OR3A2: variants seen among roughly 807,000 people sequenced by gnomAD.
OR3A2 encodes olfactory receptor 3A2.
For missense variants in OR3A2, 318 were observed against 392.8 expected (o/e 0.81, Z 1.61); for synonymous variants, 126 against 159.3 (o/e 0.79, Z 1.57).
At chr17:3,321,646 T>A (rs1405651541) in intron 3 of OR3A2, among the ~76,000 whole-genome samples, 2 of 152,164 alleles carry the variant, frequency 1.3e-5, no homozygotes, top group Non-Finnish European at 2.9e-5. Context: ...ATCACGTGGT[T>A]TTTGTCTTTG....
At chr17:3,367,601 G>GTATATA (rs553464584) in intron 2 of OR3A2, among the ~76,000 whole-genome samples, 32,294 of 122,094 alleles carry the variant, frequency 0.26, 5,414 homozygotes, top group Admixed American at 0.4. Context: ...GTGTGTGTGT[G>GTATATA]TATATATATA....
chr17:3,279,244 A>G (rs2048763275), intron 1 of OR3A2, 91 bp from the exon 4 acceptor site: 2 of 417,532 alleles, frequency 4.8e-6, no homozygotes, highest in East Asian at 8.0e-5. Flanking sequence ...ACAGGGGGGA[A>G]ATGGGTAACT....
chr17:3,344,111 G>A (rs907147312), intron 2 of OR3A2, among the ~76,000 whole-genome samples: 1 of 152,124 alleles, frequency 6.6e-6, no homozygotes, highest in African/African-American at 2.4e-5. Context: ...CATATGCAGT[G>A]GGATATTCGG....
At chr17:3,283,452 T>G (rs2150617692) in intron 1 of OR3A2, among the ~76,000 whole-genome samples, 1 of 152,320 alleles carries the variant, frequency 6.6e-6, no homozygotes, top group Non-Finnish European at 1.5e-5. Context: ...CTCGAACTCC[T>G]GACCTCAGGT....
chr17:3,368,496 T>A (rs2049583428), intron 2 of OR3A2, among the ~76,000 whole-genome samples: 1 of 152,212 alleles, frequency 6.6e-6, no homozygotes. Context: ...TAGGGTGCCC[T>A]TTCCCCACTT....
rs1394021505 is a variant in OR3A2, at chr17:3,331,354, A to G, written c.-85+4679T>C. Among the ~76,000 whole-genome samples the G allele has an allele frequency of 3.9e-5, 6 of 152,088 alleles. No individual in the cohort carries two copies. In the East Asian group the frequency reaches 9.6e-4, roughly 24 times the overall value. ...CTCCCCATCACTTTCAGGTACACCA[A>G]TCCGACGTAGATTTGGTCTTTTCAC... On this transcript the variant is annotated intron_variant, in intron 3 of 4. Coordinates refer to the OR3A2 transcript ENST00000573491.
At chr17:3,276,659 A>G (rs1037757622), downstream of OR3A2, among the ~76,000 whole-genome samples, 1 of 152,182 alleles carries the variant, frequency 6.6e-6, no homozygotes, top group African/African-American at 2.4e-5. Context: ...GCTAAGTAAG[A>G]CTTTGGAGGA....
At chr17:3,279,504 A>C (rs2048764497) in intron 1 of OR3A2, among the ~76,000 whole-genome samples, 1 of 152,244 alleles carries the variant, frequency 6.6e-6, no homozygotes, top group African/African-American at 2.4e-5. Flanking sequence ...ATTTAAAAAC[A>C]TAACCCAGGC....
At chr17:3,331,564 A>G (rs535690559) in intron 3 of OR3A2, among the ~76,000 whole-genome samples, 5,966 of 151,160 alleles carry the variant, frequency 0.039, 243 homozygotes, top group African/African-American at 0.098. Flanking sequence ...TTTCAGCTCC[A>G]TCAGCTCCTT....
At chr17:3,357,108 T>C (rs1243738338) in intron 2 of OR3A2, among the ~76,000 whole-genome samples, 11 of 151,798 alleles carry the variant, frequency 7.2e-5, no homozygotes, top group Non-Finnish European at 1.5e-4. Context: ...TTTACAGTCA[T>C]GTATATAACA....
At chr17:3,284,258 T>G (rs1221524457) in intron 1 of OR3A2, 100 bp downstream of exon 3, 1 of 151,528 alleles carries the variant, frequency 6.6e-6, no homozygotes, top group African/African-American at 2.4e-5. Context: ...TGGCTTTCCC[T>G]GTCAGGGGCA....
chr17:3,287,621 A>G (rs1438985525), upstream of OR3A2, among the ~76,000 whole-genome samples: 1 of 152,100 alleles, frequency 6.6e-6, no homozygotes, highest in South Asian at 2.1e-4. Flanking sequence ...GATTCTTCAT[A>G]TATTAATTCT....
In OR3A2 at chr17:3,332,253, G is replaced by C. The variant is rs1012855933; in HGVS notation, c.-85+3780C>G. On this transcript the variant is annotated intron_variant, in intron 3 of 4. Transcript: ENST00000573491. Reference sequence around the variant, plus strand: ...GTGGGCTCCACCCAGTTCGAGCTTCGCGGCTGCTTTGTTTACCTAAGCAAG... The same window carrying C: ...GTGGGCTCCACCCAGTTCGAGCTTCCCGGCTGCTTTGTTTACCTAAGCAAG... Among the ~76,000 whole-genome samples, 206 of 152,048 alleles carry C rather than the reference G, an allele frequency of 1.4e-3. 4 individuals are homozygous for C. The highest frequency in any genetic ancestry group is 2.3e-3 in the East Asian group (12 of 5,166).
chr17:3,340,384 T>A (rs2049307034), intron 2 of OR3A2, among the ~76,000 whole-genome samples: 1 of 152,216 alleles, frequency 6.6e-6, no homozygotes, highest in Admixed American at 6.5e-5. Context: ...AGATCTTTCC[T>A]GCTTTCTCTT....
intron 2 of OR3A2, among the ~76,000 whole-genome samples, chr17:3,344,475 C>T (rs1378725497): frequency 6.6e-6 from 1 of 152,110 alleles, no homozygotes; most frequent in African/African-American, 2.4e-5. Flanking sequence ...TAGACAATAT[C>T]ATCTAGACAC....
intron 2 of OR3A2, among the ~76,000 whole-genome samples, chr17:3,379,350 C>A (rs2049713665): frequency 6.6e-6 from 1 of 152,184 alleles, no homozygotes; most frequent in African/African-American, 2.4e-5. Context: ...GAACAAGGAA[C>A]AGAAGTCATT....
intron 2 of OR3A2, among the ~76,000 whole-genome samples, chr17:3,371,318 G>A (rs1411618547): frequency 5.9e-5 from 9 of 151,276 alleles, no homozygotes; most frequent in South Asian, 2.1e-4. Context: ...CAGTAGGGGC[G>A]GCCGGGCAGA....
intron 3 of OR3A2, among the ~76,000 whole-genome samples, chr17:3,319,683 T>C (rs1488110245): frequency 2.0e-5 from 3 of 152,324 alleles, no homozygotes; most frequent in African/African-American, 7.2e-5. Flanking sequence ...GTTTCATCCA[T>C]GTCCCTACAA....
chr17:3,337,793 A>C (rs1027278767), intron 2 of OR3A2, among the ~76,000 whole-genome samples: 3 of 152,162 alleles, frequency 2.0e-5, no homozygotes, highest in African/African-American at 7.2e-5. Context: ...TATACCCAGT[A>C]ATGGGATGGC....
Sources: allele counts gnomAD v4.1 joint callset (sites outside exome capture counted in the v4.1 genomes callset), GRCh38; gene constraint gnomAD v4.1.1; transcripts MANE v1.5; gene names NCBI Gene and HGNC (gene_info 2026-07-23, HGNC 2026-07-21).